The following MLIP variants were observed in gnomAD, a reference collection of about 807,000 sequenced individuals.
MLIP encodes the protein muscular LMNA-interacting protein.
Under a neutral mutation model 84.8 loss-of-function variants are expected in MLIP, and 79 were observed. The ratio of observed to expected loss-of-function variants is 0.93; its 90% confidence interval spans 0.78 to 1.12. The LOEUF (loss-of-function observed/expected upper bound fraction) is 1.12, where lower values mean the gene tolerates loss of function less well. Ranked by LOEUF, MLIP falls within the 50% of genes most tolerant of loss-of-function variation. The pLI is 0.00. For missense variants in MLIP, 1,257 were observed against 1,160.6 expected (o/e 1.08, Z -1.21); for synonymous variants, 504 against 463.0 (o/e 1.09, Z -1.14).
At chr6:54,031,408 C>G (rs1178395204) in intron 1 of MLIP, 1 of 152,128 alleles carries the variant, frequency 6.6e-6, no homozygotes, top group Non-Finnish European at 1.5e-5. Flanking sequence ...AGACTGCAGG[C>G]TCCTCAAGGT....
chr6:54,156,256 A>G (rs1421299168), intron 5 of MLIP, among the ~76,000 whole-genome samples: 10 of 152,092 alleles, frequency 6.6e-5, no homozygotes, highest in Admixed American at 6.6e-4. Flanking sequence ...AAATTTCAAG[A>G]CTATTTAAGT....
intron 12 of MLIP, among the ~76,000 whole-genome samples, chr6:54,248,347 C>T (rs542945407): frequency 6.6e-6 from 1 of 152,244 alleles, no homozygotes; most frequent in African/African-American, 2.4e-5. Flanking sequence ...AACAAATATG[C>T]TTCCTTGTCA....
Position 54,066,745 on chromosome 6 carries a change from C to T in MLIP, c.63+47654C>T, listed in dbSNP as rs559128400. ...TTCTGCAAACATTACGTACAAGATA[C>T]TGAGTCAGGTGCTGTGGGAAGCTAC... is the stretch of plus-strand genomic sequence containing the variant. On this transcript the variant is annotated intron_variant, in intron 1 of 12. Coordinates refer to the MLIP transcript ENST00000274897. 8.0e-5 allele frequency among the ~76,000 whole-genome samples: 8 copies of T among 99,744 alleles called. 2 individuals carry two copies. The highest frequency in any genetic ancestry group is 2.0e-4 in the African/African-American group (8 of 39,126). The allele number at this position is 99,744 out of a possible 152,430, so 65.4% of individuals were successfully genotyped here. A position where few individuals can be genotyped will look rare whatever the true frequency, so the allele number is the denominator to read the frequency against.
rs556354742 is a variant in MLIP at position 54,224,120 on chromosome 6, C to T, written c.2719-6594C>T. The stretch of plus-strand genomic sequence containing the variant: ...AAAAGGACTTTATAGCATTAGAAAA[C>T]GATAAATAGCTAGAAAGCAGAACAG... On this transcript the variant is annotated intron_variant, in intron 11 of 13. Transcript: ENST00000502396. Among the ~76,000 whole-genome samples, 7 of 151,758 alleles carry T rather than the reference C, an allele frequency of 4.6e-5. No homozygotes were observed. In the South Asian group the frequency reaches 6.2e-4, roughly 14 times the overall value.
chr6:54,156,518 T>C (rs1774044818), intron 5 of MLIP, among the ~76,000 whole-genome samples: 1 of 152,132 alleles, frequency 6.6e-6, no homozygotes, highest in African/African-American at 2.4e-5. Context: ...AAAAAGGAAA[T>C]AATCGCATTG....
chr6:54,022,101 G>A (rs1291913403), intron 1 of MLIP, among the ~76,000 whole-genome samples: 1 of 152,142 alleles, frequency 6.6e-6, no homozygotes, highest in Non-Finnish European at 1.5e-5. Flanking sequence ...TTCCTATCAT[G>A]TATTTTCTAA....
At chr6:54,051,556 T>C (rs111385697) in intron 1 of MLIP, among the ~76,000 whole-genome samples, 21 of 152,212 alleles carry the variant, frequency 1.4e-4, no homozygotes, top group African/African-American at 4.8e-4. Flanking sequence ...ACTTTCAGTG[T>C]CCCTCCCAGA....
intron 12 of MLIP, among the ~76,000 whole-genome samples, chr6:54,240,991 T>C (rs1386358145): frequency 6.6e-6 from 1 of 151,276 alleles, no homozygotes; most frequent in Non-Finnish European, 1.5e-5. Flanking sequence ...TAAAAAAAAA[T>C]CAAAAGAAAA....
chr6:54,023,531 A>G (rs980776464), intron 1 of MLIP, among the ~76,000 whole-genome samples: 1 of 152,120 alleles, frequency 6.6e-6, no homozygotes, highest in Non-Finnish European at 1.5e-5. Context: ...TTGATTTCAG[A>G]AAAAGGAGTT....
At chr6:54,197,360 G>A (rs1233764968) in intron 10 of MLIP, among the ~76,000 whole-genome samples, 1 of 151,892 alleles carries the variant, frequency 6.6e-6, no homozygotes, top group Non-Finnish European at 1.5e-5. Flanking sequence ...GAAAACAGGG[G>A]GTATGTCTTT....
chr6:54,118,447 A>C (rs2150424730), intron 1 of MLIP, among the ~76,000 whole-genome samples: 1 of 152,354 alleles, frequency 6.6e-6, no homozygotes, highest in Admixed American at 6.5e-5. Context: ...CTCTTCAATA[A>C]GTGGTATTGG....
chr6:54,124,562 A>G lies in MLIP; in HGVS notation c.342A>G (p.Gly114=), dbSNP rs1290589804. The change falls in exon 3 of 14, where the codon GGA becomes GGG. Residue 114 remains glycine, a synonymous_variant. Coordinates refer to ENST00000502396, the MANE Select transcript of MLIP (RefSeq NM_001281747.2). ...AKLTCPSEVS[G]TILQEREFEA... ...TGACTTGTCCTTCAGAGGTCAGTGG[A>G]ACGATTTTACAAGAAAGGGAATTCG... 4 of 1,614,214 alleles carry G rather than the reference A, an allele frequency of 2.5e-6. No homozygotes were observed. Among genetic ancestry groups the G allele is most frequent in the Admixed American group, 3.3e-5 (2 of 60,026 alleles).
chr6:54,024,687 C>T (rs768698525), intron 1 of MLIP, among the ~76,000 whole-genome samples: 20 of 152,192 alleles, frequency 1.3e-4, no homozygotes, highest in Non-Finnish European at 2.6e-4. Context: ...AGGTTTTAGC[C>T]GCTCAGAAAC....
intron 1 of MLIP, among the ~76,000 whole-genome samples, chr6:54,033,868 G>A (rs1764278868): frequency 6.6e-6 from 1 of 152,096 alleles, no homozygotes; most frequent in Admixed American, 6.5e-5. Context: ...ATCATGGAAT[G>A]GAATAAAATC....
exon 1 of MLIP, chr6:54,019,089 A>G (rs776937312): frequency 1.1e-5 from 18 of 1,612,430 alleles, no homozygotes; most frequent in Admixed American, 1.7e-5. Context: ...GGAGAAACTG[A>G]CGGTAAGACA....
chr6:54,192,046 C>A (rs2792638), intron 10 of MLIP, among the ~76,000 whole-genome samples: 124,473 of 150,866 alleles, frequency 0.83, 52,915 homozygotes, highest in Non-Finnish European at 0.94. Context: ...TAAAACAACT[C>A]TTTGTGAATG....
intron 1 of MLIP, among the ~76,000 whole-genome samples, chr6:54,098,373 C>T: frequency 7.8e-6 from 1 of 127,618 alleles, no homozygotes; most frequent in East Asian, 2.3e-4. Context: ...CACTCTGTTG[C>T]CCAGGCTGGT....
chr6:54,132,788 GA>G, intron 3 of MLIP, among the ~76,000 whole-genome samples: 1 of 152,176 alleles, frequency 6.6e-6, no homozygotes, highest in South Asian at 2.1e-4. Context: ...TGTGAATTGA[GA>G]AAACCTCCCC....
intron 1 of MLIP, among the ~76,000 whole-genome samples, chr6:54,073,030 A>G (rs1311822731): frequency 6.6e-6 from 1 of 152,192 alleles, no homozygotes; most frequent in Non-Finnish European, 1.5e-5. Flanking sequence ...CCACATGATC[A>G]GAAGTCCCAT....
Sources: allele counts gnomAD v4.1 joint callset (sites outside exome capture counted in the v4.1 genomes callset), GRCh38; gene constraint gnomAD v4.1.1; transcripts MANE v1.5; gene names NCBI Gene and HGNC (gene_info 2026-07-23, HGNC 2026-07-21).